Variants in SYTL2 observed in about 807,000 individuals in gnomAD.
SYTL2 encodes the protein synaptotagmin-like protein 2.
A neutral mutation model predicts 198.7 loss-of-function variants in SYTL2; 165 were observed. That is an observed-to-expected ratio of 0.83 (90% CI 0.73 to 0.94). The LOEUF (loss-of-function observed/expected upper bound fraction) is 0.94, where lower values mean the gene tolerates loss of function less well. Ranked by LOEUF, SYTL2 falls within the 40% of genes least tolerant of loss-of-function variation. The probability of loss-of-function intolerance (pLI) is 0.00; values close to 1 mark genes in which losing one functional copy is unlikely to be tolerated. For missense variants in SYTL2, 2,835 were observed against 2,582.8 expected (o/e 1.10, Z -2.12); for synonymous variants, 966 against 917.7 (o/e 1.05, Z -0.95).
At chr11:85,749,632 C>T (rs2153530080) in intron 2 of SYTL2, among the ~76,000 whole-genome samples, 1 of 152,258 alleles carries the variant, frequency 6.6e-6, no homozygotes, top group African/African-American at 2.4e-5. Flanking sequence ...ATGACAGCCC[C>T]ATCTATAAAC....
Position 85,758,022 on chromosome 11 carries a change from A to G in SYTL2, c.-297T>C, listed in dbSNP as rs139032989. 6.1e-6 allele frequency: 2 copies of G among 327,828 alleles called. No individual in the cohort carries two copies. Among genetic ancestry groups the G allele is most frequent in the African/African-American group, 4.2e-5 (2 of 48,134 alleles). 20.3% of individuals were successfully genotyped at this position (327,828 alleles called of 1,614,324 possible). On this transcript the variant is annotated 5_prime_UTR_variant, in exon 2 of 20. Coordinates refer to ENST00000359152, the MANE Select transcript of SYTL2 (RefSeq NM_206927.4). ...TTGTTCCTATGGTGGCTTCCAGCAC[A>G]CTCACTCTCTGGTCCAGTCTTAGAC...
chr11:85,761,713 C>T (rs2092100684), intron 1 of SYTL2, among the ~76,000 whole-genome samples: 1 of 152,210 alleles, frequency 6.6e-6, no homozygotes, highest in Non-Finnish European at 1.5e-5. Flanking sequence ...GGCTGTAGTA[C>T]AGTGACACAA....
Position 85,707,538 on chromosome 11 carries a change from A to T in SYTL2, c.5916-7T>A. ...CAAATAGGCCTTTACATATCTGAAA[A>T]GGAGAATTGAACAGACAAAGTCAAA... is the stretch of plus-strand genomic sequence containing the variant. On this transcript the variant is annotated splice_polypyrimidine_tract_variant and splice_region_variant and intron_variant, in intron 14 of 19. Coordinates refer to ENST00000359152, the MANE Select transcript of SYTL2 (RefSeq NM_206927.4). 6.5e-7 allele frequency: 1 copy of T among 1,538,174 alleles called. No homozygotes were observed. The highest frequency in any genetic ancestry group is 8.9e-7 in the Non-Finnish European group (1 of 1,129,040).
chr11:85,710,369 T>G (rs1212585674), intron 13 of SYTL2, among the ~76,000 whole-genome samples: 2 of 152,170 alleles, frequency 1.3e-5, no homozygotes, highest in Non-Finnish European at 2.9e-5. Context: ...CAGCAGAAAC[T>G]CAATTTAAAT....
chr11:85,796,357 G>A (rs2092804313), intron 1 of SYTL2, among the ~76,000 whole-genome samples: 1 of 152,152 alleles, frequency 6.6e-6, no homozygotes, highest in African/African-American at 2.4e-5. Context: ...TATATGCTCT[G>A]ACCAACTCTT....
intron 2 of SYTL2, among the ~76,000 whole-genome samples, chr11:85,753,265 G>A (rs995268919): frequency 1.3e-5 from 2 of 152,196 alleles, no homozygotes; most frequent in African/African-American, 4.8e-5. Context: ...CAGGATAGGG[G>A]TGGAAGAGAG....
the SYTL2 span, among the ~76,000 whole-genome samples, chr11:85,833,087 G>T: frequency 2.0e-5 from 1 of 49,582 alleles, no homozygotes; most frequent in South Asian, 6.2e-4. Flanking sequence ...AAGAAAGAAA[G>T]AAAGAAAGAA....
chr11:85,744,362 C>T (rs900531905), intron 4 of SYTL2, among the ~76,000 whole-genome samples: 2 of 152,166 alleles, frequency 1.3e-5, no homozygotes, highest in African/African-American at 2.4e-5. Flanking sequence ...TGTAAGGTCA[C>T]ATTATCAATT....
rs2083227778 is a variant in SYTL2, at chr11:85,695,053, G to A, written c.*142C>T. Reference sequence around the variant, plus strand: ...GGGCCTTGTAATCAAAGAAGCACATGCAGATTGACTTTTACATGCTGTGTA... The same window carrying A: ...GGGCCTTGTAATCAAAGAAGCACATACAGATTGACTTTTACATGCTGTGTA... On this transcript the variant is annotated 3_prime_UTR_variant, in exon 20 of 20. Coordinates refer to ENST00000359152, the MANE Select transcript of SYTL2 (RefSeq NM_206927.4). The A allele has an allele frequency of 1.4e-6, 1 of 715,908 alleles. No individual in the cohort carries two copies. Among genetic ancestry groups the A allele is most frequent in the Non-Finnish European group, 2.2e-6 (1 of 459,774 alleles). 44.3% of individuals were successfully genotyped at this position (715,908 alleles called of 1,614,324 possible).
At chr11:85,847,381 C>T in the SYTL2 span, among the ~76,000 whole-genome samples, 5 of 152,126 alleles carry the variant, frequency 3.3e-5, no homozygotes, top group African/African-American at 1.2e-4. Context: ...GTTATTCCCC[C>T]CACCCTTTTT....
intron 1 of SYTL2, among the ~76,000 whole-genome samples, chr11:85,791,125 C>A (rs12099426): frequency 0.058 from 7,924 of 136,710 alleles, 723 homozygotes; most frequent in African/African-American, 0.2. Flanking sequence ...CAAGATCACG[C>A]CACTGCACTC....
intron 3 of SYTL2, among the ~76,000 whole-genome samples, chr11:85,747,684 A>C (rs1284204537): frequency 6.6e-6 from 1 of 152,218 alleles, no homozygotes; most frequent in Non-Finnish European, 1.5e-5. Context: ...ACTGTGGTCC[A>C]CAGAGAGGGC....
chr11:85,832,471 T>C, the SYTL2 span, among the ~76,000 whole-genome samples: 2 of 152,168 alleles, frequency 1.3e-5, no homozygotes, highest in African/African-American at 4.8e-5. Flanking sequence ...TGAAAGTTGT[T>C]GACAAAGTTC....
At chr11:85,819,587 C>T in the SYTL2 span, among the ~76,000 whole-genome samples, 1 of 152,200 alleles carries the variant, frequency 6.6e-6, no homozygotes, top group Non-Finnish European at 1.5e-5. Context: ...CCTCAATGTG[C>T]AAGTGTTTAT....
intron 19 of SYTL2, 142 bp downstream of exon 19, chr11:85,696,041 C>G: frequency 3.0e-6 from 2 of 662,768 alleles, no homozygotes; most frequent in Non-Finnish European, 5.2e-6. Flanking sequence ...CATTTCTTTA[C>G]TCATTTATTT....
chr11:85,841,508 T>C, the SYTL2 span, among the ~76,000 whole-genome samples: 1 of 152,230 alleles, frequency 6.6e-6, no homozygotes, highest in Non-Finnish European at 1.5e-5. Flanking sequence ...AATAAGATCT[T>C]GTCCTTTGCA....
chr11:85,847,296 T>C, the SYTL2 span, among the ~76,000 whole-genome samples: 1 of 152,166 alleles, frequency 6.6e-6, no homozygotes, highest in Non-Finnish European at 1.5e-5. Context: ...TGATACAGCA[T>C]ATAGTTTTCA....
At chr11:85,795,139 A>C (rs2092784099) in intron 1 of SYTL2, among the ~76,000 whole-genome samples, 1 of 152,214 alleles carries the variant, frequency 6.6e-6, no homozygotes, top group Admixed American at 6.5e-5. Flanking sequence ...ATGAGTCCAT[A>C]GTGAACCTTG....
rs112342964 is a variant in SYTL2 at position 85,766,851 on chromosome 11, G to C, written c.-389-8737C>G. 7.9e-3 allele frequency among the ~76,000 whole-genome samples: 1,206 copies of C among 152,302 alleles called. 18 individuals are homozygous for C. Among genetic ancestry groups the C allele is most frequent in the African/African-American group, 0.027 (1,131 of 41,554 alleles). On this transcript the variant is annotated intron_variant, in intron 1 of 19. Transcript: ENST00000359152. ...GAGCCAGGGAAGGCTTCCTTGAAGAGAAGTACGATCTCTGTCAACAGCACA... is the reference window on the plus strand; with the variant it reads ...GAGCCAGGGAAGGCTTCCTTGAAGACAAGTACGATCTCTGTCAACAGCACA...
Sources: gnomAD v4.1 joint callset for allele counts (sites outside exome capture counted in the v4.1 genomes callset) on GRCh38, gnomAD v4.1.1 for gene constraint, MANE v1.5 for transcripts, NCBI Gene and HGNC (gene_info 2026-07-23, HGNC 2026-07-21) for gene names.